The following CNTN5 variants were observed in gnomAD, a reference collection of about 807,000 sequenced individuals.
CNTN5 encodes contactin 5.
A neutral mutation model predicts 129.1 loss-of-function variants in CNTN5; 77 were observed. The observed-to-expected ratio is 0.60, with a 90% CI of 0.50 to 0.72. The LOEUF is 0.72. Among genes scored for constraint, CNTN5 ranks in the 30% least tolerant of loss-of-function variants. The probability of loss-of-function intolerance (pLI) is 0.00; values close to 1 mark genes in which losing one functional copy is unlikely to be tolerated. For synonymous variants in CNTN5, 509 were observed against 465.6 expected (o/e 1.09, Z -1.20); for missense variants, 1,478 against 1,328.8 (o/e 1.11, Z -1.75).
chr11:99,726,074 TTAAGTA>T (rs1224903735), intron 3 of CNTN5, among the ~76,000 whole-genome samples: 1 of 152,214 alleles, frequency 6.6e-6, no homozygotes, highest in African/African-American at 2.4e-5. Context: ...GAAGTTCTCT[TTAAGTA>T]TAATTCCCTC....
At chr11:100,333,752 T>C (rs1213242925) in intron 21 of CNTN5, among the ~76,000 whole-genome samples, 2 of 152,038 alleles carry the variant, frequency 1.3e-5, no homozygotes, top group Non-Finnish European at 2.9e-5. Flanking sequence ...TGAAACTGGA[T>C]CCTCATCTCT....
intron 1 of CNTN5, among the ~76,000 whole-genome samples, chr11:99,180,854 T>C (rs1858019252): frequency 6.6e-6 from 1 of 152,184 alleles, no homozygotes; most frequent in Non-Finnish European, 1.5e-5. Flanking sequence ...ATTGTGAGAA[T>C]TGCCAGTGAT....
chr11:99,353,037 AGCCACCT>A (rs1253222090), intron 2 of CNTN5, among the ~76,000 whole-genome samples: 2 of 152,140 alleles, frequency 1.3e-5, no homozygotes, highest in African/African-American at 4.8e-5. Flanking sequence ...TGCCATCATT[AGCCACCT>A]GCCACTTGCC....
chr11:99,626,419 T>G (rs646017), intron 3 of CNTN5, among the ~76,000 whole-genome samples: 92,888 of 151,900 alleles, frequency 0.61, 29,290 homozygotes, highest in Admixed American at 0.74. Flanking sequence ...TTATAGATTT[T>G]TTTTGCCTTG....
chr11:100,287,047 G>A (rs1236513022), intron 18 of CNTN5, among the ~76,000 whole-genome samples: 3 of 151,924 alleles, frequency 2.0e-5, no homozygotes, highest in South Asian at 4.1e-4. Flanking sequence ...GAGAAGGGAA[G>A]TTTAGAGAAA....
intron 13 of CNTN5, among the ~76,000 whole-genome samples, chr11:100,165,702 G>A (rs1282751267): frequency 6.6e-6 from 1 of 151,628 alleles, no homozygotes; most frequent in African/African-American, 2.4e-5. Context: ...GAATGAATAA[G>A]GTCTCATGCA....
At chr11:99,985,557 A>G (rs1040761337) in intron 8 of CNTN5, among the ~76,000 whole-genome samples, 1 of 152,166 alleles carries the variant, frequency 6.6e-6, no homozygotes, top group African/African-American at 2.4e-5. Flanking sequence ...GAAAGAACCA[A>G]TTGGGAAAGA....
chr11:99,140,643 C>T (rs6589910), intron 1 of CNTN5, among the ~76,000 whole-genome samples: 138,399 of 152,050 alleles, frequency 0.91, 63,248 homozygotes, highest in East Asian at 0.99. Context: ...CATAGATGGC[C>T]CTTATTATTT....
chr11:99,207,906 G>C (rs958822077), intron 1 of CNTN5, among the ~76,000 whole-genome samples: 4 of 152,124 alleles, frequency 2.6e-5, no homozygotes, highest in African/African-American at 9.7e-5. Flanking sequence ...AATGAATTTA[G>C]CTCGGCTTTG....
intron 17 of CNTN5, among the ~76,000 whole-genome samples, chr11:100,267,586 C>T (rs1318717598): frequency 6.6e-6 from 1 of 151,650 alleles, no homozygotes; most frequent in Non-Finnish European, 1.5e-5. Flanking sequence ...GGGAAGGCAG[C>T]CCAGGTATAA....
chr11:99,449,286 A>G (rs541938542), intron 2 of CNTN5, among the ~76,000 whole-genome samples: 1 of 152,338 alleles, frequency 6.6e-6, no homozygotes, highest in African/African-American at 2.4e-5. Context: ...GATCTTGAAC[A>G]TTATTTTAAT....
chr11:99,086,557 A>G (rs897457763), intron 1 of CNTN5, among the ~76,000 whole-genome samples: 2 of 152,172 alleles, frequency 1.3e-5, no homozygotes, highest in African/African-American at 4.8e-5. Context: ...ACTGAAAGAG[A>G]ACTCACTTAT....
chr11:100,109,723 G>A (rs1428187802), intron 13 of CNTN5, among the ~76,000 whole-genome samples: 2 of 152,148 alleles, frequency 1.3e-5, no homozygotes, highest in African/African-American at 4.8e-5. Flanking sequence ...TAACGATTAT[G>A]CCGATAATTG....
At chr11:99,650,209 A>G (rs148961164) in intron 3 of CNTN5, among the ~76,000 whole-genome samples, 202 of 152,058 alleles carry the variant, frequency 1.3e-3, no homozygotes, top group African/African-American at 4.7e-3. Flanking sequence ...TGTGATCTCA[A>G]TGAATTAATT....
At chr11:99,134,901 G>T (rs1017539130) in intron 1 of CNTN5, among the ~76,000 whole-genome samples, 8 of 152,126 alleles carry the variant, frequency 5.3e-5, no homozygotes, top group African/African-American at 1.9e-4. Flanking sequence ...GAAGCTGTGT[G>T]TCCAGCAAAA....
chr11:99,092,666 T>C (rs1482858056), intron 1 of CNTN5, among the ~76,000 whole-genome samples: 2 of 152,090 alleles, frequency 1.3e-5, no homozygotes, highest in Non-Finnish European at 2.9e-5. Flanking sequence ...GTCATTAAAA[T>C]TATGATACTT....
At chr11:100,190,695 G>T (rs1332751894) in intron 13 of CNTN5, among the ~76,000 whole-genome samples, 3 of 149,362 alleles carry the variant, frequency 2.0e-5, no homozygotes, top group Admixed American at 6.6e-5. Context: ...TTAATTTTGT[G>T]TTCTGTACTT....
intron 8 of CNTN5, among the ~76,000 whole-genome samples, chr11:99,984,774 A>AATGGGAAGAATTTGAGGCAAAAT (rs1249806386): frequency 6.6e-6 from 1 of 152,210 alleles, no homozygotes; most frequent in Non-Finnish European, 1.5e-5. Context: ...TGCATGCATA[A>AATGGGAAGAATTTGAGGCAAAAT]ATGGGAAGAA....
intron 10 of CNTN5, among the ~76,000 whole-genome samples, chr11:100,064,003 G>A (rs1591165594): frequency 6.6e-6 from 1 of 152,170 alleles, no homozygotes; most frequent in African/African-American, 2.4e-5. Flanking sequence ...GTAAAGTGTA[G>A]ATAGGATTCA....
Sources: gnomAD v4.1 joint callset for allele counts (sites outside exome capture counted in the v4.1 genomes callset) on GRCh38, gnomAD v4.1.1 for gene constraint, MANE v1.5 for transcripts, NCBI Gene and HGNC (gene_info 2026-07-23, HGNC 2026-07-21) for gene names.